Variants in MFAP2 observed in about 807,000 individuals in gnomAD.
MFAP2 encodes microfibril associated protein 2.
Under a neutral mutation model 30.6 loss-of-function variants are expected in MFAP2, and 23 were observed. The observed-to-expected ratio is 0.75, with a 90% CI of 0.54 to 1.07. The LOEUF is 1.07. Among genes scored for constraint, MFAP2 ranks in the 50% least tolerant of loss-of-function variants. The pLI is 0.00. For synonymous variants in MFAP2, 73 were observed against 85.7 expected (o/e 0.85, Z 0.82); for missense variants, 198 against 223.8 (o/e 0.88, Z 0.74).
chr1:16,977,451 T>A (rs572846037), intron 2 of MFAP2: 1 of 483,126 alleles, frequency 2.1e-6, no homozygotes, highest in African/African-American at 1.9e-5. Flanking sequence ...GGACTCCACA[T>A]GCTCCTGCCT....
chr1:16,976,640 C>T lies in MFAP2; in HGVS notation c.241+68G>A. ...CCCAGCCCTGGCAGACCCCCACTCCCAGGGTTGACAGGGTGGGGAGGGGTG... is the reference window on the plus strand; with the variant it reads ...CCCAGCCCTGGCAGACCCCCACTCCTAGGGTTGACAGGGTGGGGAGGGGTG... On this transcript the variant is annotated intron_variant, in intron 5 of 8. Transcript: ENST00000375535. This position sits in a 1 kb window ranked among gnomAD's most constrained non-coding sequence, Gnocchi z 5.5. 1.2e-6 allele frequency: 2 copies of T among 1,610,378 alleles called. No individual in the cohort carries two copies. Among genetic ancestry groups the T allele is most frequent in the South Asian group, 1.1e-5 (1 of 90,988 alleles).
intron 1 of MFAP2, chr1:16,979,204 C>G (rs1475862362): frequency 6.6e-6 from 1 of 152,306 alleles, no homozygotes; most frequent in African/African-American, 2.4e-5. Context: ...CCAGTCCTGG[C>G]TACACGGTGG....
Position 16,976,872 on chromosome 1 carries a change from T to G in MFAP2, c.154+25A>C. 1 of 1,614,058 alleles carries G rather than the reference T, an allele frequency of 6.2e-7. No homozygotes were observed. ...TCTCCCCACCCCAGCTGCCGGCCCG[T>G]CCTATCCTACCCCTAGCCCGTTACC... On this transcript the variant is annotated intron_variant, in intron 4 of 8. Coordinates refer to ENST00000375535, the MANE Select transcript of MFAP2 (RefSeq NM_002403.4). The surrounding 1 kb of genome is among the most constrained non-coding windows in gnomAD (Gnocchi z 5.5).
In MFAP2 at chr1:16,976,205, C is replaced by G. The variant is rs2076590113; in HGVS notation, c.286+296G>C. 3.5e-6 allele frequency: 2 copies of G among 566,600 alleles called. No individual in the cohort carries two copies. The highest frequency in any genetic ancestry group is 3.1e-5 in the Admixed American group (1 of 32,676). The allele number at this position is 566,600 out of a possible 1,614,324, so 35.1% of individuals were successfully genotyped here. On this transcript the variant is annotated intron_variant, in intron 6 of 8. Coordinates refer to ENST00000375535, the MANE Select transcript of MFAP2 (RefSeq NM_002403.4). The surrounding 1 kb of genome is among the most constrained non-coding windows in gnomAD (Gnocchi z 5.5). ...CGCCTCCACATGTGCACCACTCAGT[C>G]TCTCTGGCTGGCAGGAAGCCCCCAG...
rs115149960 is a variant in MFAP2, at chr1:16,975,879, C to T, written c.287-149G>A. 677 of 636,790 alleles carry T rather than the reference C, an allele frequency of 1.1e-3. 3 individuals are homozygous for T. The highest frequency in any genetic ancestry group is 0.011 in the African/African-American group (574 of 54,374). The allele number at this position is 636,790 out of a possible 1,614,324, so 39.4% of individuals were successfully genotyped here. ...ACCTACACATGCCCACATAGACCCA[C>T]GCAGCATTGTCAGACTTCCCAGGGC... On this transcript the variant is annotated intron_variant, in intron 6 of 8. Transcript: ENST00000375535. The surrounding 1 kb of genome is among the most constrained non-coding windows in gnomAD (Gnocchi z 5.0).
Position 16,976,196 on chromosome 1 carries a change from C to T in MFAP2, c.286+305G>A. On this transcript the variant is annotated intron_variant, in intron 6 of 8. Coordinates refer to ENST00000375535, the MANE Select transcript of MFAP2 (RefSeq NM_002403.4). This position sits in a 1 kb window ranked among gnomAD's most constrained non-coding sequence, Gnocchi z 5.5. ...GCCCTTCCTCGCCTCCACATGTGCA[C>T]CACTCAGTCTCTCTGGCTGGCAGGA... is the stretch of plus-strand genomic sequence containing the variant. The T allele has an allele frequency of 3.6e-6, 2 of 560,076 alleles. No individual in the cohort carries two copies. Among genetic ancestry groups the T allele is most frequent in the Non-Finnish European group, 3.2e-6 (1 of 311,932 alleles). 34.7% of individuals were successfully genotyped at this position (560,076 alleles called of 1,614,324 possible). A position where few individuals can be genotyped will look rare whatever the true frequency, so the allele number is the denominator to read the frequency against.
rs923201667 is a variant in MFAP2 at position 16,978,309 on chromosome 1, G to A, written c.-36C>T. The stretch of plus-strand genomic sequence containing the variant: ...AGGCAGGCCGGGGTGGTGTCAGAGA[G>A]GACAGCTGGGGAAAGACCGGTGGGA... On this transcript the variant is annotated 5_prime_UTR_variant, in exon 2 of 9. Transcript: ENST00000375535. 8 of 1,563,084 alleles carry A rather than the reference G, an allele frequency of 5.1e-6. No homozygotes were observed. Among genetic ancestry groups the A allele is most frequent in the Admixed American group, 1.9e-5 (1 of 51,622 alleles).
chr1:16,976,868 C>T lies in MFAP2; in HGVS notation c.154+29G>A. 6.2e-7 allele frequency: 1 copy of T among 1,614,092 alleles called. No individual in the cohort carries two copies. Among genetic ancestry groups the T allele is most frequent in the Admixed American group, 1.7e-5 (1 of 60,014 alleles). ...GGGGTCTCCCCACCCCAGCTGCCGGCCCGTCCTATCCTACCCCTAGCCCGT... is the reference window on the plus strand; with the variant it reads ...GGGGTCTCCCCACCCCAGCTGCCGGTCCGTCCTATCCTACCCCTAGCCCGT... On this transcript the variant is annotated intron_variant, in intron 4 of 8. Coordinates refer to ENST00000375535, the MANE Select transcript of MFAP2 (RefSeq NM_002403.4). The surrounding 1 kb of genome is among the most constrained non-coding windows in gnomAD (Gnocchi z 5.5).
rs781585635 is a variant in MFAP2 at position 16,976,945 on chromosome 1, G to T, written c.128-22C>A. ...TTGTCTGCAAACAAAGATGAAAGTG[G>T]AATTGGTGGGAGTAAGGCTAATCCC... On this transcript the variant is annotated intron_variant, in intron 3 of 8. Coordinates refer to ENST00000375535, the MANE Select transcript of MFAP2 (RefSeq NM_002403.4). This position sits in a 1 kb window ranked among gnomAD's most constrained non-coding sequence, Gnocchi z 5.5. 1 of 1,614,082 alleles carries T rather than the reference G, an allele frequency of 6.2e-7. No homozygotes were observed. The highest frequency in any genetic ancestry group is 1.1e-5 in the South Asian group (1 of 91,086).
chr1:16,977,204 G>A lies in MFAP2; in HGVS notation c.38-6C>T. 1 of 1,612,994 alleles carries A rather than the reference G, an allele frequency of 6.2e-7. No individual in the cohort carries two copies. Among genetic ancestry groups the A allele is most frequent in the African/African-American group, 1.3e-5 (1 of 75,038 alleles). ...GCCCTGAGCCAGCAAGCCTGCTGTG[G>A]GGAGGCAAAGCATGTAGGGTACCCC... On this transcript the variant is annotated splice_polypyrimidine_tract_variant and splice_region_variant and intron_variant, in intron 2 of 8. Coordinates refer to ENST00000375535, the MANE Select transcript of MFAP2 (RefSeq NM_002403.4).
intron 2 of MFAP2, chr1:16,977,848 G>C (rs889318676): frequency 3.4e-5 from 7 of 204,216 alleles, no homozygotes; most frequent in Non-Finnish European, 6.0e-5. Context: ...ACCCCCACAA[G>C]GTCAGGACTG....
Position 16,976,405 on chromosome 1 carries a change from A to G in MFAP2, c.286+96T>C. On this transcript the variant is annotated intron_variant, in intron 6 of 8. Coordinates refer to ENST00000375535, the MANE Select transcript of MFAP2 (RefSeq NM_002403.4). The surrounding 1 kb of genome is among the most constrained non-coding windows in gnomAD (Gnocchi z 5.5). ...CACACTGCCAAGAGCCCACATGGGC[A>G]AGGGCCAAAGACCTCCAGCCCACCA... The G allele has an allele frequency of 1.3e-6, 2 of 1,505,684 alleles. No individual in the cohort carries two copies. The highest frequency in any genetic ancestry group is 2.3e-5 in the South Asian group (2 of 88,766). 93.3% of individuals were successfully genotyped at this position (1,505,684 alleles called of 1,614,324 possible). A position where few individuals can be genotyped will look rare whatever the true frequency, so the allele number is the denominator to read the frequency against.
chr1:16,979,471 T>G (rs1373727064), intron 1 of MFAP2, among the ~76,000 whole-genome samples: 1 of 152,196 alleles, frequency 6.6e-6, no homozygotes, highest in East Asian at 1.9e-4. Flanking sequence ...CTCTCAATCC[T>G]GAGGCCTCCT....
rs2076583381 is a variant in MFAP2, at chr1:16,975,580, C to T, written c.374+63G>A. The T allele has an allele frequency of 2.6e-6, 4 of 1,531,206 alleles. No homozygotes were observed. The highest frequency in any genetic ancestry group is 2.3e-5 in the East Asian group (1 of 43,940). 94.9% of individuals were successfully genotyped at this position (1,531,206 alleles called of 1,614,324 possible). ...TCCCACCTTGGCGGGCCAGAGCTGT[C>T]CCCTGTGCCCTCTAGCCCCCCATGC... is the stretch of plus-strand genomic sequence containing the variant. On this transcript the variant is annotated intron_variant, in intron 7 of 8. Transcript: ENST00000375535. The surrounding 1 kb of genome is among the most constrained non-coding windows in gnomAD (Gnocchi z 5.0).
intron 1 of MFAP2, among the ~76,000 whole-genome samples, chr1:16,980,266 G>GGGCCCCCCCCCCCCCCCC (rs1557656617): frequency 6.0e-5 from 4 of 66,636 alleles, no homozygotes; most frequent in Admixed American, 2.6e-4. Flanking sequence ...ATTCCCACCG[G>GGGCCCCCCCCCCCCCCCC]ACCCCCCCCC....
At chr1:16,978,752 G>A (rs760029653) in intron 1 of MFAP2, among the ~76,000 whole-genome samples, 70 of 152,326 alleles carry the variant, frequency 4.6e-4, no homozygotes, top group Non-Finnish European at 6.6e-4. Context: ...CCCAGCCCTG[G>A]CCAGCCGGCA....
At chr1:16,977,048 T>C (rs2076598763) in intron 3 of MFAP2, 61 bp downstream of exon 3, 2 of 1,612,426 alleles carry the variant, frequency 1.2e-6, no homozygotes, top group Admixed American at 3.3e-5. Flanking sequence ...TCCAGTGCGG[T>C]CCCTGGCTGA....
rs765669462 is a variant in MFAP2 at position 16,978,319 on chromosome 1, G to A, written c.-41-5C>T. On this transcript the variant is annotated splice_region_variant and splice_polypyrimidine_tract_variant and intron_variant, in intron 1 of 8. Transcript: ENST00000375535. Reference sequence around the variant, plus strand: ...GGGTGGTGTCAGAGAGGACAGCTGGGGAAAGACCGGTGGGAGAGCTCTACC... The same window carrying A: ...GGGTGGTGTCAGAGAGGACAGCTGGAGAAAGACCGGTGGGAGAGCTCTACC... 6 of 1,558,100 alleles carry A rather than the reference G, an allele frequency of 3.9e-6. No homozygotes were observed. In the Admixed American group the frequency reaches 9.7e-5, roughly 25 times the overall value.
Position 16,975,431 on chromosome 1 carries a change from ACAGAACCTGGCACGGGAGCCCG to A in MFAP2, c.375-111_375-90del. 2 of 1,416,998 alleles carry A rather than the reference ACAGAACCTGGCACGGGAGCCCG, an allele frequency of 1.4e-6. No individual in the cohort carries two copies. The highest frequency in any genetic ancestry group is 2.1e-4 in the Middle Eastern group (1 of 4,674). 87.8% of individuals were successfully genotyped at this position (1,416,998 alleles called of 1,614,324 possible). On this transcript the variant is annotated intron_variant, in intron 7 of 8. Transcript: ENST00000375535. This position sits in a 1 kb window ranked among gnomAD's most constrained non-coding sequence, Gnocchi z 5.0. ...GACAGAACCTGGCACGGGAGCCCGG[ACAGAACCTGGCACGGGAGCCCG>A]GACAGAACCTGGCACTGGAGCCCAG...
Sources: gnomAD v4.1 joint callset for allele counts (sites outside exome capture counted in the v4.1 genomes callset) on GRCh38, gnomAD v4.1.1 for gene constraint, Gnocchi (gnomAD v3.1) non-coding constraint, MANE v1.5 for transcripts, NCBI Gene and HGNC (gene_info 2026-07-23, HGNC 2026-07-21) for gene names.